The following IL1RAPL1 variants were observed in gnomAD, a reference collection of about 807,000 sequenced individuals.
The protein encoded by IL1RAPL1 is interleukin 1 receptor accessory protein like 1.
In IL1RAPL1, 3 loss-of-function variants were observed where a neutral mutation model predicts 48.4. The ratio of observed to expected loss-of-function variants is 0.06; its 90% CI spans 0.03 to 0.16. The LOEUF (loss-of-function observed/expected upper bound fraction) is 0.16, where lower values mean the gene tolerates loss of function less well. Ranked by LOEUF, IL1RAPL1 falls within the 10% of genes least tolerant of loss-of-function variation. The pLI is 1.00. For synonymous variants in IL1RAPL1, 185 were observed against 187.7 expected, an observed-to-expected ratio of 0.99 and a Z score of 0.12; for missense variants, 349 against 530.6, an observed-to-expected ratio of 0.66 and a Z score of 3.36.
At chrX:28,863,585 CTG>C (rs1279752690) in intron 2 of IL1RAPL1, among the ~76,000 whole-genome samples, 10 of 111,199 alleles carry the variant, frequency 9.0e-5, no homozygotes. Context: ...ATTATAATAA[CTG>C]TTAGAGAAAT....
At chrX:29,396,167 GCTTTT>G in intron 3 of IL1RAPL1, 86 bp from the exon 4 acceptor site, 1 of 726,740 alleles carries the variant, frequency 1.4e-6, no homozygotes. Flanking sequence ...TGAAGTTTTT[GCTTTT>G]CTTTTAAGTG....
intron 6 of IL1RAPL1, among the ~76,000 whole-genome samples, chrX:29,821,238 A>G (rs1164953142): frequency 9.0e-6 from 1 of 110,858 alleles, no homozygotes; most frequent in Admixed American, 9.7e-5. Flanking sequence ...TCACGAGGTC[A>G]GGAGATTGAG....
At chrX:29,952,582 T>TAA (rs1933340563) in intron 9 of IL1RAPL1, among the ~76,000 whole-genome samples, 1 of 112,513 alleles carries the variant, frequency 8.9e-6, no homozygotes, top group Non-Finnish European at 1.9e-5. Context: ...CTTTATTGTG[T>TAA]GCTTTCATGA....
intron 5 of IL1RAPL1, among the ~76,000 whole-genome samples, chrX:29,405,492 A>G (rs1249006604): frequency 1.4e-4 from 14 of 97,149 alleles, no homozygotes; most frequent in East Asian, 1.2e-3. Context: ...TCAGCCTCCC[A>G]AGTAGCTGGG....
At chrX:29,808,328 G>T (rs1930302199) in intron 6 of IL1RAPL1, among the ~76,000 whole-genome samples, 1 of 111,040 alleles carries the variant, frequency 9.0e-6, no homozygotes, top group Non-Finnish European at 1.9e-5. Flanking sequence ...CCTGTTTTTT[G>T]GATTTGGATT....
intron 2 of IL1RAPL1, among the ~76,000 whole-genome samples, chrX:28,885,355 T>C (rs1371540944): frequency 9.0e-6 from 1 of 111,051 alleles, no homozygotes; most frequent in Non-Finnish European, 1.9e-5. Context: ...GTTTTTCTTA[T>C]AACCCCAATG....
Position 29,337,230 on chromosome X carries a change from A to G in IL1RAPL1, c.362+54013A>G, listed in dbSNP as rs1933008400. Among the ~76,000 whole-genome samples, 3 of 112,045 alleles carry G rather than the reference A, an allele frequency of 2.7e-5. No individual in the cohort carries two copies. The South Asian group carries it at 1.1e-3, about 42-fold the overall frequency. On this transcript the variant is annotated intron_variant, in intron 3 of 10. Transcript: ENST00000378993. ...CATTTATAAAATATATGTGTAAATA[A>G]TTATATGCATTTTAATGTTTCTATC...
chrX:28,726,111 G>T (rs1339028824), intron 1 of IL1RAPL1, among the ~76,000 whole-genome samples: 1 of 111,799 alleles, frequency 8.9e-6, no homozygotes, highest in Non-Finnish European at 1.9e-5. Flanking sequence ...TTTCAGATAG[G>T]TATCTGGATT....
chrX:29,914,345 A>G (rs1282128439), intron 6 of IL1RAPL1, among the ~76,000 whole-genome samples: 1 of 112,059 alleles, frequency 8.9e-6, no homozygotes, highest in East Asian at 2.8e-4. Flanking sequence ...GGGTGATGTG[A>G]GACAGTAATT....
intron 3 of IL1RAPL1, among the ~76,000 whole-genome samples, chrX:29,314,455 A>C (rs1473508788): frequency 8.9e-6 from 1 of 112,541 alleles, no homozygotes; most frequent in African/African-American, 3.2e-5. Context: ...CCAAATAAAC[A>C]ACTTATTGTC....
chrX:29,912,638 G>C (rs1474522931), intron 6 of IL1RAPL1, among the ~76,000 whole-genome samples: 1 of 112,013 alleles, frequency 8.9e-6, no homozygotes, highest in Non-Finnish European at 1.9e-5. Flanking sequence ...AGTTTCATTT[G>C]AATTGGATTT....
intron 2 of IL1RAPL1, among the ~76,000 whole-genome samples, chrX:28,966,822 A>G (rs1389390594): frequency 4.5e-5 from 5 of 111,783 alleles, no homozygotes; most frequent in Non-Finnish European, 7.5e-5. Flanking sequence ...GACATTTTCT[A>G]TTAAGCATGA....
intron 6 of IL1RAPL1, among the ~76,000 whole-genome samples, chrX:29,756,408 A>G (rs911157136): frequency 9.0e-6 from 1 of 111,366 alleles, no homozygotes; most frequent in African/African-American, 3.3e-5. Context: ...AAATAAGCAT[A>G]TATCACCTTT....
intron 1 of IL1RAPL1, among the ~76,000 whole-genome samples, chrX:28,737,201 CTTTCTCTTTCTT>C (rs1169095268): frequency 3.0e-4 from 19 of 62,735 alleles, no homozygotes; most frequent in African/African-American, 1.2e-3. Flanking sequence ...CTCTTTCTTT[CTTTCTCTTTCTT>C]TCTTTCTTTC....
rs200563854 is a variant in IL1RAPL1, at chrX:29,060,830, A to AC, written c.83-222108_83-222107insC. ...TATTTCTCAATTAAATGTACATTTTAATATTAAATGTTACTGCTAAAATTA... is the reference window on the plus strand; with the variant it reads ...TATTTCTCAATTAAATGTACATTTTACATATTAAATGTTACTGCTAAAATTA... On this transcript the variant is annotated intron_variant, in intron 2 of 10. Coordinates refer to ENST00000378993, the MANE Select transcript of IL1RAPL1 (RefSeq NM_014271.4). Among the ~76,000 whole-genome samples, 754 of 112,355 alleles carry AC rather than the reference A, an allele frequency of 6.7e-3. 9 individuals are homozygous for AC. The highest frequency in any genetic ancestry group is 0.023 in the African/African-American group (720 of 31,050).
At chrX:28,749,904 C>T (rs1288075899) in intron 1 of IL1RAPL1, among the ~76,000 whole-genome samples, 1 of 93,392 alleles carries the variant, frequency 1.1e-5, no homozygotes, top group African/African-American at 4.1e-5. Context: ...GTCATTCATC[C>T]AAAAAAAAGA....
At chrX:29,865,804 T>TA (rs139126314) in intron 6 of IL1RAPL1, among the ~76,000 whole-genome samples, 5 of 71,416 alleles carry the variant, frequency 7.0e-5, no homozygotes, top group African/African-American at 4.1e-4. Context: ...GCCTGGCTAA[T>TA]TTTTTTTTTT....
chrX:29,059,080 T>A (rs989288164), intron 2 of IL1RAPL1, among the ~76,000 whole-genome samples: 10 of 112,123 alleles, frequency 8.9e-5, no homozygotes, highest in African/African-American at 3.2e-4. Flanking sequence ...CAGGGAAATT[T>A]TCACCGTGCA....
chrX:29,333,798 ACC>A (rs1287418570), intron 3 of IL1RAPL1, among the ~76,000 whole-genome samples: 320 of 2,830 alleles, frequency 0.11, no homozygotes, highest in Non-Finnish European at 0.15. Flanking sequence ...CGGCTGGCCG[ACC>A]CCCCCCCCCG....
Sources: allele counts gnomAD v4.1 joint callset (sites outside exome capture counted in the v4.1 genomes callset), GRCh38; gene constraint gnomAD v4.1.1; transcripts MANE v1.5; gene names NCBI Gene and HGNC (gene_info 2026-07-23, HGNC 2026-07-21).